PTPN14: variants seen among roughly 807,000 people sequenced by gnomAD.
PTPN14 encodes protein tyrosine phosphatase non-receptor type 14, also known as tyrosine-protein phosphatase non-receptor type 14.
PTPN14 carries 53 observed loss-of-function variants against 126.8 expected under a neutral mutation model. The ratio of observed to expected loss-of-function variants is 0.42; its 90% CI spans 0.34 to 0.53. The LOEUF (loss-of-function observed/expected upper bound fraction) is 0.53, where lower values mean the gene tolerates loss of function less well. Among genes scored for constraint, PTPN14 ranks in the 20% least tolerant of loss-of-function variants. The pLI is 0.08. For missense variants in PTPN14, 1,257 were observed against 1,552.9 expected (o/e 0.81, Z 3.20); for synonymous variants, 630 against 599.3 (o/e 1.05, Z -0.75).
chr1:214,414,853 G>T, intron 3 of PTPN14, 127 bp from the exon 4 acceptor site: 1 of 707,684 alleles, frequency 1.4e-6, no homozygotes, highest in Non-Finnish European at 2.4e-6. Flanking sequence ...TGCTGATAAA[G>T]GTCATTTCTA....
intron 7 of PTPN14, among the ~76,000 whole-genome samples, chr1:214,398,334 A>G (rs1360078711): frequency 1.3e-5 from 2 of 152,234 alleles, no homozygotes; most frequent in Admixed American, 1.3e-4. Flanking sequence ...AGGCTGGAGA[A>G]TGGGAGGAAT....
intron 3 of PTPN14, among the ~76,000 whole-genome samples, chr1:214,439,225 T>C (rs1391982143): frequency 4.6e-5 from 7 of 152,348 alleles, no homozygotes; most frequent in African/African-American, 1.7e-4. Context: ...CTTCAAATTT[T>C]CCATCAGTAT....
intron 10 of PTPN14, among the ~76,000 whole-genome samples, chr1:214,391,704 T>TAAA (rs11368443): frequency 0.012 from 1,629 of 139,270 alleles, 20 homozygotes; most frequent in Middle Eastern, 0.042. Context: ...AGTGTTACCA[T>TAAA]AAAAAAAAAA....
At chr1:214,401,849 T>G in intron 6 of PTPN14, 77 bp from the exon 7 acceptor site, 1 of 1,194,704 alleles carries the variant, frequency 8.4e-7, no homozygotes, top group South Asian at 1.3e-5. Context: ...GATGGCAAAT[T>G]CCAGAGCTGT....
chr1:214,519,264 C>T (rs1655184234), intron 1 of PTPN14, among the ~76,000 whole-genome samples: 1 of 151,960 alleles, frequency 6.6e-6, no homozygotes, highest in Admixed American at 6.6e-5. Context: ...GCAAGACTGT[C>T]TCAAAAAACA....
At chr1:214,465,622 C>A (rs11120334) in intron 1 of PTPN14, among the ~76,000 whole-genome samples, 4 of 151,960 alleles carry the variant, frequency 2.6e-5, no homozygotes, top group South Asian at 2.1e-4. Flanking sequence ...CTGTCTCAAA[C>A]AAAAAAAATT....
In PTPN14 at chr1:214,415,926, C is replaced by T. The variant is rs912976133; in HGVS notation, c.345-1200G>A. Among the ~76,000 whole-genome samples, 36 of 152,078 alleles carry T rather than the reference C, an allele frequency of 2.4e-4. 2 individuals carry two copies. ...ATATGGGCTAGAAAAAATCACGAAG[C>T]AAAACAAAAAGCAAAATCTCAAGGT... is the stretch of plus-strand genomic sequence containing the variant. On this transcript the variant is annotated intron_variant, in intron 3 of 18. Coordinates refer to ENST00000366956, the MANE Select transcript of PTPN14 (RefSeq NM_005401.5).
At position 214,394,471 on chromosome 1, in the gene PTPN14, A is replaced by C. The variant is rs7513473; in HGVS notation, c.846+428T>G. Among the ~76,000 whole-genome samples, 83 of 151,860 alleles carry C rather than the reference A, an allele frequency of 5.5e-4. 1 individual carries two copies. The highest frequency in any genetic ancestry group is 2.2e-4 in the Non-Finnish European group (15 of 67,926). ...TGTCCAGGCCGGAGTGCAGTGGCGC[A>C]ATCTTGGCTCATTGCAACCTCTGCC... On this transcript the variant is annotated intron_variant, in intron 9 of 18. Coordinates refer to ENST00000366956, the MANE Select transcript of PTPN14 (RefSeq NM_005401.5).
At chr1:214,397,269 T>C (rs1658899325) in intron 8 of PTPN14, among the ~76,000 whole-genome samples, 1 of 152,200 alleles carries the variant, frequency 6.6e-6, no homozygotes, top group Non-Finnish European at 1.5e-5. Context: ...ACAAGAAAGC[T>C]GTTCTTCCAA....
Position 214,393,752 on chromosome 1 carries a change from A to T in PTPN14, c.872T>A (p.Ile291Asn). ...HTDDIENAKY[I>N]SRLFATRHKF... ...GTGTCGTGTGGCAAACAACCGAGAA[A>T]TATACTTGGCATTTTCGATATCATC... is the stretch of plus-strand genomic sequence containing the variant. Residue 291 changes from isoleucine to asparagine, a missense_variant, in exon 10 of 19, where the codon ATT becomes AAT. This residue lies in a region of PTPN14 where 1,021 missense variants were observed against 1,183.3 expected (regional missense o/e 0.86). Transcript: ENST00000366956. The T allele has an allele frequency of 6.2e-7, 1 of 1,602,046 alleles. No homozygotes were observed. The highest frequency in any genetic ancestry group is 8.6e-7 in the Non-Finnish European group (1 of 1,169,000).
chr1:214,468,020 G>A (rs1201776521), intron 1 of PTPN14, among the ~76,000 whole-genome samples: 3 of 151,566 alleles, frequency 2.0e-5, no homozygotes, highest in Non-Finnish European at 4.4e-5. Flanking sequence ...TGTAGTGTGT[G>A]AACCCTGACT....
intron 1 of PTPN14, among the ~76,000 whole-genome samples, chr1:214,501,122 T>G (rs921585825): frequency 1.3e-5 from 2 of 152,230 alleles, no homozygotes; most frequent in African/African-American, 4.8e-5. Flanking sequence ...ATTCGTCTCA[T>G]GGAGCTGGGT....
intron 1 of PTPN14, among the ~76,000 whole-genome samples, chr1:214,545,228 C>G (rs979828232): frequency 6.6e-6 from 1 of 152,166 alleles, no homozygotes; most frequent in African/African-American, 2.4e-5. Flanking sequence ...GCTGCTATAA[C>G]AGAATATCAC....
chr1:214,545,749 C>A (rs1655953765), intron 1 of PTPN14, among the ~76,000 whole-genome samples: 1 of 152,154 alleles, frequency 6.6e-6, no homozygotes, highest in Admixed American at 6.5e-5. Flanking sequence ...GCTTGAGCAG[C>A]TAACTCAATA....
intron 1 of PTPN14, among the ~76,000 whole-genome samples, chr1:214,479,653 C>A (rs569290231): frequency 2.4e-3 from 367 of 150,990 alleles, no homozygotes; most frequent in Admixed American, 4.5e-3. Context: ...CTTTATTATC[C>A]AAAAAAAACA....
intron 1 of PTPN14, among the ~76,000 whole-genome samples, chr1:214,492,597 G>A (rs527980933): frequency 3.3e-5 from 5 of 152,234 alleles, no homozygotes; most frequent in Admixed American, 1.3e-4. Flanking sequence ...TGCTGGTGCC[G>A]CATGCCTGGC....
chr1:214,476,436 G>C (rs1466152070), intron 1 of PTPN14, among the ~76,000 whole-genome samples: 1 of 152,190 alleles, frequency 6.6e-6, no homozygotes, highest in Non-Finnish European at 1.5e-5. Flanking sequence ...CTCCTGGAGA[G>C]ACAGTTGTTG....
intron 13 of PTPN14, among the ~76,000 whole-genome samples, chr1:214,379,929 A>G (rs1658433696): frequency 6.6e-6 from 1 of 152,146 alleles, no homozygotes; most frequent in Non-Finnish European, 1.5e-5. Context: ...TGTACCCTCA[A>G]CCTTGGCAGA....
At chr1:214,421,403 G>A (rs978473060) in intron 3 of PTPN14, among the ~76,000 whole-genome samples, 1 of 152,304 alleles carries the variant, frequency 6.6e-6, no homozygotes, top group Middle Eastern at 3.4e-3. Flanking sequence ...GGAAGAAGAG[G>A]CTGAGGAATG....
Sources: allele counts gnomAD v4.1 joint callset (sites outside exome capture counted in the v4.1 genomes callset), GRCh38; gene constraint gnomAD v4.1.1; regional missense constraint gnomAD v4.1.1; transcripts MANE v1.5; gene names NCBI Gene and HGNC (gene_info 2026-07-23, HGNC 2026-07-21).